TENM3: variants seen among roughly 807,000 people sequenced by gnomAD.
TENM3 encodes the protein teneurin transmembrane protein 3, also known as teneurin-3.
A neutral mutation model predicts 255.1 loss-of-function variants in TENM3; 63 were observed. That is an observed-to-expected ratio of 0.25 (90% CI 0.20 to 0.30). The LOEUF (loss-of-function observed/expected upper bound fraction) is 0.30. Among genes scored for constraint, TENM3 ranks in the 10% least tolerant of loss-of-function variants. The pLI is 1.00. For missense variants in TENM3, 2,929 were observed against 3,461.1 expected (o/e 0.85, Z 3.86); for synonymous variants, 1,306 against 1,322.3 (o/e 0.99, Z 0.27).
At chr4:181,792,288 C>T in the TENM3 span, among the ~76,000 whole-genome samples, 1 of 152,060 alleles carries the variant, frequency 6.6e-6, no homozygotes, top group African/African-American at 2.4e-5. Context: ...CATAAACATT[C>T]TTGTGTATTT....
the TENM3 span, among the ~76,000 whole-genome samples, chr4:182,090,452 A>C: frequency 2.0e-5 from 3 of 152,186 alleles, no homozygotes; most frequent in African/African-American, 7.2e-5. Context: ...ATCCCTGGCT[A>C]TGCTTTTCAT....
At chr4:182,638,548 G>C (rs1405726469) in intron 5 of TENM3, among the ~76,000 whole-genome samples, 1 of 152,112 alleles carries the variant, frequency 6.6e-6, no homozygotes, top group Non-Finnish European at 1.5e-5. Flanking sequence ...GAACAAGTAT[G>C]TTTTTTTAGC....
intron 1 of TENM3, among the ~76,000 whole-genome samples, chr4:182,270,835 T>G (rs1416185400): frequency 6.6e-6 from 1 of 152,192 alleles, no homozygotes; most frequent in Non-Finnish European, 1.5e-5. Context: ...TTTTTTAATA[T>G]TCTTAGAGCT....
chr4:182,696,040 G>A (rs62337071), intron 12 of TENM3, among the ~76,000 whole-genome samples: 3 of 151,970 alleles, frequency 2.0e-5, no homozygotes, highest in African/African-American at 4.8e-5. Context: ...TTTATGTGAC[G>A]TCAAATACTG....
chr4:182,746,519 G>C (rs1418245064), intron 19 of TENM3, among the ~76,000 whole-genome samples: 1 of 152,180 alleles, frequency 6.6e-6, no homozygotes, highest in African/African-American at 2.4e-5. Flanking sequence ...CAGAAAGGCA[G>C]GGGAGGGTCA....
intron 3 of TENM3, among the ~76,000 whole-genome samples, chr4:182,429,895 A>T (rs1237350204): frequency 6.6e-6 from 1 of 152,238 alleles, no homozygotes; most frequent in Non-Finnish European, 1.5e-5. Flanking sequence ...ATACAACTTA[A>T]AACAATCCAA....
At chr4:181,968,275 G>A in the TENM3 span, among the ~76,000 whole-genome samples, 1 of 152,254 alleles carries the variant, frequency 6.6e-6, no homozygotes, top group Admixed American at 6.5e-5. Flanking sequence ...CTTGGCTTGT[G>A]AATTACATGC....
the TENM3 span, among the ~76,000 whole-genome samples, chr4:181,570,828 G>A: frequency 6.6e-6 from 1 of 152,184 alleles, no homozygotes; most frequent in Non-Finnish European, 1.5e-5. Flanking sequence ...CAACACCTGT[G>A]AAGGGAAAAG....
intron 19 of TENM3, among the ~76,000 whole-genome samples, chr4:182,743,628 AC>A (rs1761773019): frequency 6.6e-6 from 1 of 152,170 alleles, no homozygotes; most frequent in South Asian, 2.1e-4. Context: ...GCATAAAGTC[AC>A]CCAATATATC....
At chr4:182,029,994 T>G in the TENM3 span, among the ~76,000 whole-genome samples, 1 of 130,222 alleles carries the variant, frequency 7.7e-6, no homozygotes, top group Non-Finnish European at 1.6e-5. Context: ...TGCATGCATC[T>G]CTCTCCTTTT....
chr4:182,147,302 T>A (rs1750037884), intron 1 of TENM3, among the ~76,000 whole-genome samples: 1 of 152,146 alleles, frequency 6.6e-6, no homozygotes, highest in African/African-American at 2.4e-5. Context: ...TAGCTGTTAA[T>A]GTATGTTTGG....
chr4:182,709,213 C>T (rs998513687), intron 12 of TENM3, among the ~76,000 whole-genome samples: 45 of 152,022 alleles, frequency 3.0e-4, no homozygotes, highest in Middle Eastern at 3.4e-3. Flanking sequence ...GAACTCCTGA[C>T]CTCAAGTGAT....
the TENM3 span, among the ~76,000 whole-genome samples, chr4:181,625,559 T>A: frequency 6.6e-6 from 1 of 152,074 alleles, no homozygotes; most frequent in Non-Finnish European, 1.5e-5. Flanking sequence ...ATGCCTGTAA[T>A]CCCAGCACTT....
At chr4:181,875,583 G>T in the TENM3 span, among the ~76,000 whole-genome samples, 1 of 152,056 alleles carries the variant, frequency 6.6e-6, no homozygotes, top group East Asian at 1.9e-4. Context: ...GGAAAAACAT[G>T]TCCCATTTAC....
chr4:181,469,747 T>C, the TENM3 span, among the ~76,000 whole-genome samples: 1 of 152,180 alleles, frequency 6.6e-6, no homozygotes, highest in African/African-American at 2.4e-5. Flanking sequence ...TAACAGTATT[T>C]TACACATTTC....
the TENM3 span, among the ~76,000 whole-genome samples, chr4:181,928,937 T>C: frequency 6.6e-6 from 1 of 152,156 alleles, no homozygotes; most frequent in Non-Finnish European, 1.5e-5. Flanking sequence ...CTAAACTTCA[T>C]AAGCGAAGAA....
At chr4:182,281,653 C>A (rs1024815668) in intron 1 of TENM3, among the ~76,000 whole-genome samples, 2 of 152,166 alleles carry the variant, frequency 1.3e-5, no homozygotes, top group Non-Finnish European at 2.9e-5. Flanking sequence ...CCACATCTGG[C>A]TGTAGAACCC....
the TENM3 span, among the ~76,000 whole-genome samples, chr4:181,867,717 G>T: frequency 1.3e-5 from 2 of 152,244 alleles, no homozygotes; most frequent in South Asian, 2.1e-4. Flanking sequence ...ATGTTGTATA[G>T]GATAGCAATT....
intron 1 of TENM3, among the ~76,000 whole-genome samples, chr4:182,262,873 C>T (rs964192579): frequency 1.3e-5 from 2 of 151,948 alleles, no homozygotes; most frequent in African/African-American, 2.4e-5. Context: ...ACCACCACGC[C>T]CGGCTAATTG....
Sources: allele counts gnomAD v4.1 joint callset (sites outside exome capture counted in the v4.1 genomes callset), GRCh38; gene constraint gnomAD v4.1.1; transcripts MANE v1.5; gene names NCBI Gene and HGNC (gene_info 2026-07-23, HGNC 2026-07-21).